Variants in ABCA10 observed in about 807,000 individuals in gnomAD.
ABCA10 encodes the protein ATP-binding cassette sub-family A member 10.
ABCA10 carries 169 observed loss-of-function variants against 187.5 expected under a neutral mutation model. The observed-to-expected ratio is 0.90, with a 90% confidence interval of 0.80 to 1.02. The LOEUF is 1.02. Ranked by LOEUF, ABCA10 falls within the 50% of genes least tolerant of loss-of-function variation. ABCA10 has a pLI of 0.00. For synonymous variants in ABCA10, 574 were observed against 601.8 expected (o/e 0.95, Z 0.68); for missense variants, 1,727 against 1,812.4 (o/e 0.95, Z 0.86).
Position 69,148,073 on chromosome 17 carries a change from TA to T in ABCA10, c.*753del, listed in dbSNP as rs1370553127. ...TATAACCCGAACGTAACAACTCTGGTATTACATCAATACAGCTATAACATTA... is the reference window on the plus strand; with the variant it reads ...TATAACCCGAACGTAACAACTCTGGTTTACATCAATACAGCTATAACATTA... On this transcript the variant is annotated 3_prime_UTR_variant, in exon 39 of 39. Transcript: ENST00000690296. 2.0e-5 allele frequency: 3 copies of T among 152,170 alleles called. No homozygotes were observed. In the East Asian group the frequency reaches 5.8e-4, roughly 29 times the overall value. The allele number at this position is 152,170 out of a possible 1,614,324, so 9.4% of individuals were successfully genotyped here. A position where few individuals can be genotyped will look rare whatever the true frequency, so the allele number is the denominator to read the frequency against.
At chr17:69,202,425 A>C (rs2074553072) in intron 9 of ABCA10, among the ~76,000 whole-genome samples, 1 of 152,216 alleles carries the variant, frequency 6.6e-6, no homozygotes, top group South Asian at 2.1e-4. Context: ...AAAAGCACAA[A>C]AATGAACATA....
At chr17:69,209,536 A>G (rs1366560258) in intron 9 of ABCA10, among the ~76,000 whole-genome samples, 1 of 152,166 alleles carries the variant, frequency 6.6e-6, no homozygotes, top group Non-Finnish European at 1.5e-5. Flanking sequence ...AGCTATAAAT[A>G]TTTTTCAAAT....
intron 4 of ABCA10, among the ~76,000 whole-genome samples, chr17:69,222,206 A>G (rs2074754200): frequency 6.6e-6 from 1 of 151,608 alleles, no homozygotes; most frequent in Non-Finnish European, 1.5e-5. Context: ...AATACAAAAA[A>G]ATTAGCCTGT....
At chr17:69,177,378 G>T (rs1161796078) in intron 22 of ABCA10, among the ~76,000 whole-genome samples, 1 of 152,014 alleles carries the variant, frequency 6.6e-6, no homozygotes, top group Non-Finnish European at 1.5e-5. Context: ...CCTGTATGCT[G>T]GTCCAGACAC....
chr17:69,221,837 T>C lies in ABCA10; in HGVS notation c.258A>G (p.Lys86=), dbSNP rs763779112. ...IFCYLAKYWL[K]GFVAFQAAIN... is the part of the protein sequence containing the mutation. ...TTGCAGCTTGAAAAGCTACAAACCC[T>C]TTTAGCCAGTACTTTGCCAAGTAAC... Residue 86 remains lysine (K), a synonymous_variant, in exon 5 of 39, where the codon AAA becomes AAG. Coordinates refer to ENST00000690296, the MANE Select transcript of ABCA10 (RefSeq NM_001377321.1). 2 of 1,613,270 alleles carry C rather than the reference T, an allele frequency of 1.2e-6. No homozygotes were observed. Among genetic ancestry groups the C allele is most frequent in the South Asian group, 1.1e-5 (1 of 90,872 alleles).
chr17:69,172,949 G>T (rs1426573277), intron 25 of ABCA10, among the ~76,000 whole-genome samples: 1 of 152,126 alleles, frequency 6.6e-6, no homozygotes, highest in African/African-American at 2.4e-5. Context: ...AAGAAATCTG[G>T]TGTACCTATA....
At chr17:69,237,409 G>A (rs1006198912) in intron 1 of ABCA10, among the ~76,000 whole-genome samples, 1 of 152,174 alleles carries the variant, frequency 6.6e-6, no homozygotes, top group African/African-American at 2.4e-5. Flanking sequence ...CTACTCAACT[G>A]AAGCCAACAG....
intron 27 of ABCA10, among the ~76,000 whole-genome samples, chr17:69,158,306 A>G (rs2074189426): frequency 6.6e-6 from 1 of 151,970 alleles, no homozygotes; most frequent in Non-Finnish European, 1.5e-5. Context: ...AAATATAATT[A>G]TTTCATAACA....
intron 3 of ABCA10, among the ~76,000 whole-genome samples, chr17:69,224,620 A>G (rs1409150649): frequency 1.3e-5 from 2 of 151,348 alleles, no homozygotes; most frequent in Non-Finnish European, 3.0e-5. Flanking sequence ...CATCAAATTA[A>G]TGCAGCATCC....
intron 37 of ABCA10, 36 bp from the exon 38 acceptor site, chr17:69,149,124 A>G: frequency 1.2e-6 from 2 of 1,609,904 alleles, no homozygotes; most frequent in Non-Finnish European, 1.7e-6. Flanking sequence ...TGGCTTATAT[A>G]TTTTTCACCA....
intron 11 of ABCA10, chr17:69,196,535 G>A (rs1037597545): frequency 2.4e-5 from 4 of 168,326 alleles, no homozygotes; most frequent in Non-Finnish European, 5.0e-5. Flanking sequence ...CAGACTGGGA[G>A]GCCGGGCAGA....
intron 27 of ABCA10, among the ~76,000 whole-genome samples, chr17:69,158,787 A>T (rs939518699): frequency 6.6e-6 from 1 of 152,076 alleles, no homozygotes; most frequent in Non-Finnish European, 1.5e-5. Flanking sequence ...TGATCAAAAT[A>T]TATAAAGCTA....
intron 22 of ABCA10, 176 bp from the exon 23 acceptor site, chr17:69,175,689 C>A: frequency 2.0e-6 from 1 of 489,692 alleles, no homozygotes; most frequent in Non-Finnish European, 3.6e-6. Context: ...TTCCCAGGAA[C>A]AGCATGATAT....
At chr17:69,238,885 T>C (rs1236246635) in intron 1 of ABCA10, among the ~76,000 whole-genome samples, 1 of 152,172 alleles carries the variant, frequency 6.6e-6, no homozygotes, top group African/African-American at 2.4e-5. Flanking sequence ...CCATCATTGA[T>C]TTAATTGTAA....
intron 9 of ABCA10, among the ~76,000 whole-genome samples, chr17:69,211,340 T>TG (rs1389035577): frequency 8.9e-6 from 1 of 112,718 alleles, no homozygotes; most frequent in East Asian, 2.2e-4. Context: ...TATATATATA[T>TG]ATATATATAT....
chr17:69,222,550 T>A lies in ABCA10; in HGVS notation c.182A>T (p.Glu61Val). 1.3e-6 allele frequency: 2 copies of A among 1,577,198 alleles called. No individual in the cohort carries two copies. The highest frequency in any genetic ancestry group is 2.4e-5 in the South Asian group (2 of 84,006). The change falls in exon 4 of 39, where the codon GAG (glutamate) becomes GTG (valine). Residue 61 changes from glutamate to valine, a missense_variant. By Grantham distance (121) the Glu-to-Val change is moderately radical. Coordinates refer to ENST00000690296, the MANE Select transcript of ABCA10 (RefSeq NM_001377321.1). ...ATAGTTACCTGTGTATTCAGAGTGC[T>A]CCTTTATAACTGGGATTCTATATCC... ...NWGYRIPVIK[E>V]HSEYTEHCWA...
At chr17:69,199,375 A>G (rs1485612566) in intron 10 of ABCA10, among the ~76,000 whole-genome samples, 1 of 152,226 alleles carries the variant, frequency 6.6e-6, no homozygotes, top group Non-Finnish European at 1.5e-5. Context: ...CTGATTAATG[A>G]TGAATAAGTT....
At chr17:69,165,702 G>A (rs941197414) in intron 25 of ABCA10, among the ~76,000 whole-genome samples, 1 of 152,034 alleles carries the variant, frequency 6.6e-6, no homozygotes, top group Non-Finnish European at 1.5e-5. Flanking sequence ...AGTATATACA[G>A]TTAACTCTTG....
rs1189322907 is a variant in ABCA10, at chr17:69,162,808, TATATAC to T, written c.3363+1260_3363+1265del. On this transcript the variant is annotated intron_variant, in intron 27 of 38. Transcript: ENST00000690296. ...TGGGGTTTATGTTGAAAAAATTACA[TATATAC>T]ATATACATATACATATACATATACA... is the stretch of plus-strand genomic sequence containing the variant. Among the ~76,000 whole-genome samples the T allele has an allele frequency of 5.9e-3, 741 of 126,290 alleles. 8 individuals carry two copies. Among genetic ancestry groups the T allele is most frequent in the African/African-American group, 0.015 (454 of 30,482 alleles). 82.9% of individuals were successfully genotyped at this position (126,290 alleles called of 152,430 possible). A position where few individuals can be genotyped will look rare whatever the true frequency, so the allele number is the denominator to read the frequency against.
Sources: gnomAD v4.1 joint callset for allele counts (sites outside exome capture counted in the v4.1 genomes callset) on GRCh38, gnomAD v4.1.1 for gene constraint, MANE v1.5 for transcripts, NCBI Gene and HGNC (gene_info 2026-07-23, HGNC 2026-07-21) for gene names.